MED12L: variants seen among roughly 807,000 people sequenced by gnomAD.
MED12L encodes mediator of RNA polymerase II transcription subunit 12-like protein.
MED12L carries 60 observed loss-of-function variants against 281.3 expected under a neutral mutation model. That is an observed-to-expected ratio of 0.21 (90% CI 0.17 to 0.26). The LOEUF (loss-of-function observed/expected upper bound fraction) is 0.26. Ranked by LOEUF, MED12L falls within the 10% of genes least tolerant of loss-of-function variation. The probability of loss-of-function intolerance (pLI) is 1.00; values close to 1 mark genes in which losing one functional copy is unlikely to be tolerated. For synonymous variants in MED12L, 974 were observed against 987.2 expected (o/e 0.99, Z 0.25); for missense variants, 2,146 against 2,680.9 (o/e 0.80, Z 4.41).
intron 16 of MED12L, among the ~76,000 whole-genome samples, chr3:151,252,677 A>T (rs1447845732): frequency 2.6e-5 from 4 of 152,154 alleles, no homozygotes; most frequent in African/African-American, 9.7e-5. Flanking sequence ...GTTCATTTTT[A>T]TTTTTGAAGG....
At chr3:151,287,799 A>G (rs58792455) in intron 16 of MED12L, among the ~76,000 whole-genome samples, 114,655 of 152,126 alleles carry the variant, frequency 0.75, 43,284 homozygotes, top group Middle Eastern at 0.87. Context: ...CTCTTTAGGG[A>G]TTTCTATGGG....
intron 5 of MED12L, among the ~76,000 whole-genome samples, chr3:151,142,453 G>T (rs1019711482): frequency 6.6e-6 from 1 of 152,140 alleles, no homozygotes; most frequent in Non-Finnish European, 1.5e-5. Flanking sequence ...TTTCTAATAG[G>T]TAATATTACA....
At chr3:151,191,848 G>A (rs1031851050) in intron 14 of MED12L, among the ~76,000 whole-genome samples, 20 of 152,212 alleles carry the variant, frequency 1.3e-4, no homozygotes, top group Admixed American at 9.8e-4. Flanking sequence ...GGAGGTTGCA[G>A]TGAGCCGAGA....
chr3:151,111,981 C>T (rs557396381), intron 2 of MED12L, among the ~76,000 whole-genome samples: 2 of 152,186 alleles, frequency 1.3e-5, no homozygotes, highest in Admixed American at 1.3e-4. Flanking sequence ...CTGTTTTTTT[C>T]CCATCTCAGA....
intron 16 of MED12L, among the ~76,000 whole-genome samples, chr3:151,293,617 A>ACACACACACACG (rs1744582760): frequency 1.3e-5 from 1 of 77,054 alleles, no homozygotes; most frequent in Admixed American, 1.4e-4. Flanking sequence ...ACACACACAC[A>ACACACACACACG]CGGTCCTAAA....
chr3:151,389,564 TC>T (rs1236790429), intron 37 of MED12L, among the ~76,000 whole-genome samples: 6 of 152,198 alleles, frequency 3.9e-5, no homozygotes, highest in Non-Finnish European at 1.5e-5. Context: ...AAAGAGTGGT[TC>T]TGAAGCACTG....
chr3:151,292,881 T>G (rs954003471), intron 16 of MED12L, among the ~76,000 whole-genome samples: 20 of 152,192 alleles, frequency 1.3e-4, no homozygotes, highest in African/African-American at 4.6e-4. Context: ...AATTGCCTTT[T>G]CTTAATTAGC....
intron 16 of MED12L, chr3:151,213,204 A>G: frequency 1.1e-6 from 1 of 921,926 alleles, no homozygotes; most frequent in East Asian, 2.5e-5. Flanking sequence ...GCTAGAGATG[A>G]TATTTATGAT....
chr3:151,159,251 A>G (rs773704662), intron 7 of MED12L, among the ~76,000 whole-genome samples: 3 of 152,200 alleles, frequency 2.0e-5, no homozygotes, highest in African/African-American at 4.8e-5. Flanking sequence ...ATGTATCTAG[A>G]TGAGATTTAT....
chr3:151,265,601 A>G (rs1739676614), intron 16 of MED12L, among the ~76,000 whole-genome samples: 2 of 152,210 alleles, frequency 1.3e-5, no homozygotes, highest in Non-Finnish European at 1.5e-5. Flanking sequence ...AATAGGCAGT[A>G]TACAGCAGGC....
chr3:151,153,256 C>T (rs2148921577), intron 5 of MED12L, among the ~76,000 whole-genome samples: 1 of 152,230 alleles, frequency 6.6e-6, no homozygotes, highest in South Asian at 2.1e-4. Flanking sequence ...AATAGTGGTT[C>T]CAGAATTCTG....
intron 16 of MED12L, among the ~76,000 whole-genome samples, chr3:151,233,721 G>A (rs569503804): frequency 6.6e-6 from 1 of 152,200 alleles, no homozygotes; most frequent in Non-Finnish European, 1.5e-5. Flanking sequence ...CAACAAGAGT[G>A]AAACTCCGTC....
At chr3:151,149,035 TAA>T (rs777486445) in intron 5 of MED12L, among the ~76,000 whole-genome samples, 21 of 152,198 alleles carry the variant, frequency 1.4e-4, no homozygotes, top group African/African-American at 4.3e-4. Context: ...ACAAAAGAAA[TAA>T]GTTTGTTTCA....
At chr3:151,159,277 C>T (rs922220040) in intron 7 of MED12L, among the ~76,000 whole-genome samples, 19 of 152,216 alleles carry the variant, frequency 1.2e-4, no homozygotes, top group African/African-American at 4.1e-4. Flanking sequence ...AAAATTCTTA[C>T]GTGATACATG....
chr3:151,125,052 G>T (rs953225108), intron 4 of MED12L, among the ~76,000 whole-genome samples: 10 of 152,234 alleles, frequency 6.6e-5, no homozygotes, highest in African/African-American at 2.4e-4. Flanking sequence ...TCTGTACTTA[G>T]ATGCGGCTGT....
At chr3:151,324,246 G>A (rs760646141) in intron 16 of MED12L, among the ~76,000 whole-genome samples, 17 of 152,164 alleles carry the variant, frequency 1.1e-4, no homozygotes, top group Non-Finnish European at 2.4e-4. Flanking sequence ...TTTGTAAAGA[G>A]CCTGGCACAC....
chr3:151,218,001 A>G (rs1728571447), intron 16 of MED12L, among the ~76,000 whole-genome samples: 3 of 152,198 alleles, frequency 2.0e-5, no homozygotes. Flanking sequence ...CAAAATCATT[A>G]AAAAAGACAT....
chr3:151,368,629 TATTTCATTTCATTTCATTTC>T (rs1159385723), intron 25 of MED12L, among the ~76,000 whole-genome samples: 22 of 92,902 alleles, frequency 2.4e-4, no homozygotes, highest in East Asian at 1.4e-3. Context: ...TATTTTATTT[TATTTCATTTCATTTCATTTC>T]ATTTCATTTC....
At chr3:151,418,699 C>T (rs892748238) in intron 43 of MED12L, among the ~76,000 whole-genome samples, 2 of 152,146 alleles carry the variant, frequency 1.3e-5, no homozygotes, top group Non-Finnish European at 2.9e-5. Flanking sequence ...CCACTGTGAA[C>T]TTATTATTTT....
Sources: allele counts gnomAD v4.1 joint callset (sites outside exome capture counted in the v4.1 genomes callset), GRCh38; gene constraint gnomAD v4.1.1; transcripts MANE v1.5; gene names NCBI Gene and HGNC (gene_info 2026-07-23, HGNC 2026-07-21).